The following TMEM132D variants were observed in gnomAD, a reference collection of about 807,000 sequenced individuals.
TMEM132D encodes the protein transmembrane protein 132D.
Under a neutral mutation model 62.3 loss-of-function variants are expected in TMEM132D, and 21 were observed. The observed-to-expected ratio is 0.34, with a 90% CI of 0.24 to 0.49. The LOEUF (loss-of-function observed/expected upper bound fraction) is 0.49. Ranked by LOEUF, TMEM132D falls within the 20% of genes least tolerant of loss-of-function variation. The pLI is 0.99. For synonymous variants in TMEM132D, 621 were observed against 575.6 expected, an observed-to-expected ratio of 1.08 and a Z score of -1.13; for missense variants, 1,346 against 1,402.8, an observed-to-expected ratio of 0.96 and a Z score of 0.65.
chr12:129,640,533 G>A (rs977198106), intron 2 of TMEM132D, among the ~76,000 whole-genome samples: 1 of 152,138 alleles, frequency 6.6e-6, no homozygotes, highest in African/African-American at 2.4e-5. Context: ...GAGCTATTGG[G>A]GAAAGAACCA....
chr12:129,088,809 C>G (rs796886015), intron 5 of TMEM132D, among the ~76,000 whole-genome samples: 1 of 31,264 alleles, frequency 3.2e-5, no homozygotes, highest in East Asian at 2.7e-3. Flanking sequence ...GGTGTCCTCC[C>G]TGACCGGGTG....
At chr12:129,698,247 T>A (rs1881253293) in intron 2 of TMEM132D, 1 of 151,876 alleles carries the variant, frequency 6.6e-6, no homozygotes, top group South Asian at 2.1e-4. Flanking sequence ...AAGGGAACGC[T>A]AATGAAGGCT....
At chr12:129,209,700 C>T in intron 4 of TMEM132D, 37 bp from the exon 5 acceptor site, 1 of 1,611,270 alleles carries the variant, frequency 6.2e-7, no homozygotes, top group Non-Finnish European at 8.5e-7. Flanking sequence ...CACATCCCCT[C>T]CTGAGACGGC....
intron 1 of TMEM132D, chr12:129,854,602 A>G (rs543842022): frequency 6.6e-6 from 1 of 152,368 alleles, no homozygotes; most frequent in Admixed American, 6.5e-5. Flanking sequence ...ACGGCCCACC[A>G]GGAGAATGAG....
rs3996445 is a variant in TMEM132D, at chr12:129,168,251, AT to A, written c.1443+41268del. Among the ~76,000 whole-genome samples, 797 of 150,922 alleles carry A rather than the reference AT, an allele frequency of 5.3e-3. 10 individuals are homozygous for A. Among genetic ancestry groups the A allele is most frequent in the African/African-American group, 0.018 (751 of 41,322 alleles). On this transcript the variant is annotated intron_variant, in intron 5 of 8. Coordinates refer to ENST00000422113, the MANE Select transcript of TMEM132D (RefSeq NM_133448.3). ...TCCTCAATCCATCTCCTCTTTTGGG[AT>A]TTTTTTTTTACCAACAAGAGCTTTA...
rs1874279660 is a variant in TMEM132D at position 129,076,937 on chromosome 12, G to GTAACT, written c.2115+1592_2115+1596dup. ...TCAGGTTATTTCTTCATTGCTATCT[G>GTAACT]TAACTTGCCTCTCGGCTGGCATCCT... On this transcript the variant is annotated intron_variant, in intron 8 of 8. Coordinates refer to ENST00000422113, the MANE Select transcript of TMEM132D (RefSeq NM_133448.3). Among the ~76,000 whole-genome samples, 3 of 152,330 alleles carry GTAACT rather than the reference G, an allele frequency of 2.0e-5. 1 individual carries two copies. The highest frequency in any genetic ancestry group is 2.0e-4 in the Admixed American group (3 of 15,306).
chr12:129,714,794 C>G (rs1439757691), intron 1 of TMEM132D, among the ~76,000 whole-genome samples: 1 of 152,122 alleles, frequency 6.6e-6, no homozygotes, highest in Non-Finnish European at 1.5e-5. Flanking sequence ...GAAAATAACT[C>G]AGAGTTCTGT....
At chr12:129,132,212 A>G (rs1421037318) in intron 5 of TMEM132D, among the ~76,000 whole-genome samples, 1 of 152,144 alleles carries the variant, frequency 6.6e-6, no homozygotes, top group Non-Finnish European at 1.5e-5. Flanking sequence ...ACTCTGTAAT[A>G]TCTATCTATC....
At chr12:129,871,725 T>G (rs931585728) in intron 1 of TMEM132D, among the ~76,000 whole-genome samples, 1 of 152,220 alleles carries the variant, frequency 6.6e-6, no homozygotes, top group Non-Finnish European at 1.5e-5. Context: ...AGTTTGAAAT[T>G]AGCCATGTGG....
chr12:129,783,635 G>A (rs942864493), intron 1 of TMEM132D, among the ~76,000 whole-genome samples: 3 of 152,190 alleles, frequency 2.0e-5, no homozygotes, highest in African/African-American at 7.2e-5. Flanking sequence ...GATCTGATAG[G>A]TGTTTCCATT....
At chr12:129,782,167 C>T (rs1871137880) in intron 1 of TMEM132D, among the ~76,000 whole-genome samples, 1 of 152,198 alleles carries the variant, frequency 6.6e-6, no homozygotes, top group Non-Finnish European at 1.5e-5. Context: ...ATTTGCATCA[C>T]ACTTACTGGT....
At chr12:129,519,895 C>A (rs1035697961) in intron 3 of TMEM132D, among the ~76,000 whole-genome samples, 1 of 152,106 alleles carries the variant, frequency 6.6e-6, no homozygotes, top group African/African-American at 2.4e-5. Flanking sequence ...AGGTGTGAGC[C>A]ACCGCACCTG....
chr12:129,084,464 T>C, intron 6 of TMEM132D, 33 bp downstream of exon 6: 2 of 1,557,328 alleles, frequency 1.3e-6, no homozygotes, highest in Non-Finnish European at 1.7e-6. Context: ...ACTTCCTCCT[T>C]AGCCTGCCAT....
intron 1 of TMEM132D, among the ~76,000 whole-genome samples, chr12:129,742,910 C>T (rs1203172616): frequency 6.6e-6 from 1 of 152,204 alleles, no homozygotes; most frequent in African/African-American, 2.4e-5. Flanking sequence ...AATAAGAACC[C>T]ACTGGGAAGC....
At chr12:129,279,783 C>T (rs543595178) in intron 4 of TMEM132D, among the ~76,000 whole-genome samples, 1 of 152,304 alleles carries the variant, frequency 6.6e-6, no homozygotes, top group East Asian at 1.9e-4. Context: ...ACAGCACAAG[C>T]GTCCGATGGT....
rs139630224 is a variant in TMEM132D, at chr12:129,377,944, G to A, written c.1116-40127C>T. ...TTGTGGAATGAAGTCAGGTTTAAGC[G>A]ATAAAAGATTATCTTAGTATTTTTG... On this transcript the variant is annotated intron_variant, in intron 3 of 8. Transcript: ENST00000422113. Among the ~76,000 whole-genome samples, 72 of 152,288 alleles carry A rather than the reference G, an allele frequency of 4.7e-4. No homozygotes were observed. In the East Asian group the frequency reaches 8.7e-3, roughly 18 times the overall value.
intron 2 of TMEM132D, among the ~76,000 whole-genome samples, chr12:129,693,948 T>C (rs1881129279): frequency 6.6e-6 from 1 of 152,226 alleles, no homozygotes; most frequent in African/African-American, 2.4e-5. Flanking sequence ...AATCATCATG[T>C]AAGGCTCCCA....
intron 4 of TMEM132D, among the ~76,000 whole-genome samples, chr12:129,330,390 C>G (rs1424518699): frequency 6.6e-6 from 1 of 152,134 alleles, no homozygotes; most frequent in African/African-American, 2.4e-5. Flanking sequence ...TTTGAATGTT[C>G]CCTCCCCAAA....
chr12:129,202,958 A>T (rs759680004), intron 5 of TMEM132D, among the ~76,000 whole-genome samples: 11 of 152,206 alleles, frequency 7.2e-5, no homozygotes, highest in Non-Finnish European at 1.5e-4. Context: ...ATGTTTGCTG[A>T]CAGCAAACAT....
Sources: allele counts gnomAD v4.1 joint callset (sites outside exome capture counted in the v4.1 genomes callset), GRCh38; gene constraint gnomAD v4.1.1; transcripts MANE v1.5; gene names NCBI Gene and HGNC (gene_info 2026-07-23, HGNC 2026-07-21).